Variants in DYNC1LI1 observed in about 807,000 individuals in gnomAD.
DYNC1LI1 encodes the protein cytoplasmic dynein 1 light intermediate chain 1.
In DYNC1LI1, 19 loss-of-function variants were observed where a neutral mutation model predicts 63.8. That is an observed-to-expected ratio of 0.30 (90% CI 0.21 to 0.44). The LOEUF is 0.44. Ranked by LOEUF, DYNC1LI1 falls within the 20% of genes least tolerant of loss-of-function variation. The pLI is 1.00. For missense variants in DYNC1LI1, 565 were observed against 630.2 expected, an observed-to-expected ratio of 0.90 and a Z score of 1.11; for synonymous variants, 225 against 232.3, an observed-to-expected ratio of 0.97 and a Z score of 0.28.
At chr3:32,542,628 G>C (rs754817780) in intron 4 of DYNC1LI1, among the ~76,000 whole-genome samples, 1 of 151,996 alleles carries the variant, frequency 6.6e-6, no homozygotes, top group Non-Finnish European at 1.5e-5. Context: ...GGCTAGTCTT[G>C]AATTCCCGAC....
chr3:32,550,970 T>G (rs1428021582), intron 2 of DYNC1LI1, among the ~76,000 whole-genome samples: 1 of 151,864 alleles, frequency 6.6e-6, no homozygotes, highest in Non-Finnish European at 1.5e-5. Context: ...TTTATAGTTT[T>G]TAAATGTGTA....
intron 2 of DYNC1LI1, among the ~76,000 whole-genome samples, chr3:32,565,316 G>C (rs1473499814): frequency 6.6e-6 from 1 of 152,108 alleles, no homozygotes; most frequent in African/African-American, 2.4e-5. Context: ...ACTTGACAAA[G>C]GACCACCTAG....
intron 2 of DYNC1LI1, among the ~76,000 whole-genome samples, chr3:32,561,473 C>T (rs969921515): frequency 2.0e-5 from 3 of 150,552 alleles, no homozygotes; most frequent in South Asian, 2.1e-4. Flanking sequence ...CTAAAAAATA[C>T]GAAAAATTAG....
At chr3:32,568,211 T>G (rs1698295043) in intron 2 of DYNC1LI1, among the ~76,000 whole-genome samples, 1 of 152,218 alleles carries the variant, frequency 6.6e-6, no homozygotes, top group Non-Finnish European at 1.5e-5. Flanking sequence ...TCAAGCATCC[T>G]CCTGCCTAGC....
At position 32,561,002 on chromosome 3, in the gene DYNC1LI1, CAAAAAAAAAAAAA is replaced by C. The variant is rs59037467; in HGVS notation, c.220+9331_220+9343del. Among the ~76,000 whole-genome samples the C allele has an allele frequency of 8.4e-3, 219 of 26,130 alleles. 1 individual carries two copies. Among genetic ancestry groups the C allele is most frequent in the Non-Finnish European group, 0.011 (162 of 14,162 alleles). The allele number at this position is 26,130 out of a possible 152,430, so 17.1% of individuals were successfully genotyped here. On this transcript the variant is annotated intron_variant, in intron 2 of 12. Transcript: ENST00000273130. ...GGGCAACAAGAGCAAAACTCCGTCT[CAAAAAAAAAAAAA>C]AAAAAAAAAAAAAAAAAACAAACAA...
In DYNC1LI1 at chr3:32,570,384, C is replaced by A. The variant is rs901124862; in HGVS notation, c.182G>T (p.Arg61Leu). ...CILSEVSTRSRSKLPAGKNVL... is the reference protein window; with the variant it reads ...CILSEVSTRSLSKLPAGKNVL... ...GTTCTTCCCCGCAGGGAGCTTGGAGCGCGAGCGGGTGGAGACCTCGCTGAG... is the reference window on the plus strand; with the variant it reads ...GTTCTTCCCCGCAGGGAGCTTGGAGAGCGAGCGGGTGGAGACCTCGCTGAG... The change falls in exon 2 of 13, where the codon CGC (arginine) becomes CTC (leucine). Residue 61 changes from arginine to leucine, a missense_variant. Physicochemically the swap from Arg to Leu is moderately radical, Grantham distance 102 (BLOSUM62 -2). Transcript: ENST00000273130. The A allele has an allele frequency of 6.2e-7, 1 of 1,606,218 alleles. No individual in the cohort carries two copies. The highest frequency in any genetic ancestry group is 8.5e-7 in the Non-Finnish European group (1 of 1,177,304).
At chr3:32,570,250 C>A (rs988990424) in intron 2 of DYNC1LI1, 96 bp downstream of exon 2, 4 of 1,014,364 alleles carry the variant, frequency 3.9e-6, no homozygotes, top group Non-Finnish European at 4.5e-6. Flanking sequence ...GCTGGGCCGG[C>A]TGTCCGCACA....
At chr3:32,561,761 G>C (rs575632677) in intron 2 of DYNC1LI1, among the ~76,000 whole-genome samples, 1 of 151,762 alleles carries the variant, frequency 6.6e-6, no homozygotes, top group East Asian at 1.9e-4. Flanking sequence ...TGGAAAATGA[G>C]GTATAACAAT....
rs756804676 is a variant in DYNC1LI1 at position 32,526,774 on chromosome 3, G to A, written c.*25C>T. ...CATGTTTACATTATCCCAGAAAACA[G>A]AATAAATGGCTTTATTTGGTATCTT... On this transcript the variant is annotated 3_prime_UTR_variant, in exon 13 of 13. Coordinates refer to ENST00000273130, the MANE Select transcript of DYNC1LI1 (RefSeq NM_016141.4). 1 of 1,514,214 alleles carries A rather than the reference G, an allele frequency of 6.6e-7. No individual in the cohort carries two copies. Among genetic ancestry groups the A allele is most frequent in the South Asian group, 1.1e-5 (1 of 88,728 alleles). 93.8% of individuals were successfully genotyped at this position (1,514,214 alleles called of 1,614,324 possible).
At position 32,537,690 on chromosome 3, in the gene DYNC1LI1, G is replaced by C. The variant is rs564207282; in HGVS notation, c.739-586C>G. Among the ~76,000 whole-genome samples the C allele has an allele frequency of 2.0e-5, 3 of 150,316 alleles. No homozygotes were observed. In the Admixed American group the frequency reaches 2.0e-4, roughly 10 times the overall value. ...AATCAATGAGACAATTCTGAATTCT[G>C]CTTGCTACAGAAAAATGCTAAGAAA... is the stretch of plus-strand genomic sequence containing the variant. On this transcript the variant is annotated intron_variant, in intron 5 of 12. Transcript: ENST00000273130.
chr3:32,531,774 T>C (rs910699578), intron 8 of DYNC1LI1: 4 of 152,230 alleles, frequency 2.6e-5, no homozygotes, highest in Admixed American at 2.6e-4. Flanking sequence ...AAAATTATTT[T>C]TTCTTGATAT....
chr3:32,536,076 G>C (rs1462407376), intron 6 of DYNC1LI1, among the ~76,000 whole-genome samples: 2 of 152,096 alleles, frequency 1.3e-5, no homozygotes, highest in African/African-American at 4.8e-5. Flanking sequence ...CATGAGAAGA[G>C]AAAGGCCCAT....
intron 4 of DYNC1LI1, among the ~76,000 whole-genome samples, chr3:32,541,494 T>C (rs1697882100): frequency 6.6e-6 from 1 of 152,194 alleles, no homozygotes; most frequent in Admixed American, 6.6e-5. Context: ...ACAATTAGTT[T>C]TGTCTCTCTA....
chr3:32,570,273 G>C (rs1241115271), intron 2 of DYNC1LI1, 73 bp downstream of exon 2: 1 of 1,247,102 alleles, frequency 8.0e-7, no homozygotes, highest in African/African-American at 1.5e-5. Flanking sequence ...GAGAGCCAGC[G>C]AGCTAGCCCG....
At chr3:32,548,782 A>G (rs1254167806) in intron 2 of DYNC1LI1, among the ~76,000 whole-genome samples, 2 of 152,204 alleles carry the variant, frequency 1.3e-5, no homozygotes, top group African/African-American at 2.4e-5. Flanking sequence ...GAGGTAATAC[A>G]TATGTTAATT....
At position 32,547,511 on chromosome 3, in the gene DYNC1LI1, C is replaced by T. The variant is rs543235763; in HGVS notation, c.221-1546G>A. Among the ~76,000 whole-genome samples, 24 of 152,242 alleles carry T rather than the reference C, an allele frequency of 1.6e-4. No homozygotes were observed. In the South Asian group the frequency reaches 3.7e-3, roughly 24 times the overall value. ...TGTCTTAAGTCTTTATATCTGAATG[C>T]TGCCACAAGATTGCAGTGCCCACCT... On this transcript the variant is annotated intron_variant, in intron 2 of 12. Transcript: ENST00000273130.
intron 8 of DYNC1LI1, chr3:32,530,759 C>A (rs940871743): frequency 4.5e-5 from 20 of 445,350 alleles, no homozygotes; most frequent in African/African-American, 3.5e-4. Flanking sequence ...AGTCACTAGC[C>A]ACCAGTGGCT....
chr3:32,545,385 G>C (rs1697938592), intron 3 of DYNC1LI1: 1 of 460,240 alleles, frequency 2.2e-6, no homozygotes, highest in Admixed American at 3.9e-5. Context: ...TCCAAAACCA[G>C]AGGATGCATA....
Position 32,534,491 on chromosome 3 carries a change from A to C in DYNC1LI1, c.968+20T>G. ...TAGCAATAATACATGATAAAATTAT[A>C]TATTTAAGAGTACACTTACATAAAT... On this transcript the variant is annotated intron_variant, in intron 7 of 12. Transcript: ENST00000273130. 1.3e-6 allele frequency: 2 copies of C among 1,505,686 alleles called. No individual in the cohort carries two copies. The highest frequency in any genetic ancestry group is 1.8e-6 in the Non-Finnish European group (2 of 1,105,658). The allele number at this position is 1,505,686 out of a possible 1,614,324, so 93.3% of individuals were successfully genotyped here.
Sources: gnomAD v4.1 joint callset for allele counts (sites outside exome capture counted in the v4.1 genomes callset) on GRCh38, gnomAD v4.1.1 for gene constraint, MANE v1.5 for transcripts, NCBI Gene and HGNC (gene_info 2026-07-23, HGNC 2026-07-21) for gene names.